TAFA1: variants seen among roughly 807,000 people sequenced by gnomAD.
TAFA1 encodes the protein chemokine-like protein TAFA-1.
TAFA1 carries 4 observed loss-of-function variants against 18.5 expected under a neutral mutation model. The observed-to-expected ratio is 0.22, with a 90% CI of 0.11 to 0.49. The LOEUF (loss-of-function observed/expected upper bound fraction) is 0.49, where lower values mean the gene tolerates loss of function less well. Among genes scored for constraint, TAFA1 ranks in the 20% least tolerant of loss-of-function variants. The pLI, the probability that TAFA1 is intolerant of heterozygous loss-of-function variation, is 0.98. For synonymous variants in TAFA1, 56 were observed against 55.2 expected (o/e 1.01, Z -0.06); for missense variants, 147 against 169.0 (o/e 0.87, Z 0.72).
chr3:68,342,051 A>C (rs1391457667), intron 2 of TAFA1, among the ~76,000 whole-genome samples: 1 of 152,196 alleles, frequency 6.6e-6, no homozygotes, highest in Non-Finnish European at 1.5e-5. Context: ...TTCCCCTTAA[A>C]GCTAGTTGAG....
intron 2 of TAFA1, among the ~76,000 whole-genome samples, chr3:68,332,687 C>G (rs2068903261): frequency 6.6e-6 from 1 of 152,188 alleles, no homozygotes; most frequent in South Asian, 2.1e-4. Context: ...CATCACTCAT[C>G]ATGGATATAA....
At chr3:68,116,253 G>T (rs1287840548) in intron 2 of TAFA1, among the ~76,000 whole-genome samples, 1 of 89,616 alleles carries the variant, frequency 1.1e-5, no homozygotes, top group Non-Finnish European at 2.3e-5. Context: ...AGATGCCGTC[G>T]CAAAAACAAA....
At chr3:68,275,502 C>CTTTT (rs199541727) in intron 2 of TAFA1, among the ~76,000 whole-genome samples, 1 of 141,168 alleles carries the variant, frequency 7.1e-6, no homozygotes, top group Non-Finnish European at 1.5e-5. Flanking sequence ...GATTAGGGGA[C>CTTTT]TTTTTTTTTT....
At chr3:68,383,410 G>A (rs1277412752) in intron 2 of TAFA1, among the ~76,000 whole-genome samples, 1 of 152,046 alleles carries the variant, frequency 6.6e-6, no homozygotes, top group East Asian at 1.9e-4. Flanking sequence ...GTTGAATTTT[G>A]TGAAAGCCTT....
chr3:68,460,606 T>C (rs553086616), intron 3 of TAFA1, among the ~76,000 whole-genome samples: 67 of 152,304 alleles, frequency 4.4e-4, no homozygotes, highest in Middle Eastern at 3.4e-3. Context: ...ATTCAGAGCA[T>C]CTCTCGCTCC....
chr3:68,351,188 G>C (rs1488999133), intron 2 of TAFA1, among the ~76,000 whole-genome samples: 1 of 152,090 alleles, frequency 6.6e-6, no homozygotes, highest in Non-Finnish European at 1.5e-5. Flanking sequence ...TGCCACCCAG[G>C]TAAGAACAGC....
At chr3:68,188,252 T>C (rs9812431) in intron 2 of TAFA1, among the ~76,000 whole-genome samples, 2,503 of 151,960 alleles carry the variant, frequency 0.016, 71 homozygotes, top group African/African-American at 0.057. Flanking sequence ...TGCGTAACTT[T>C]TTTGGACATT....
intron 2 of TAFA1, among the ~76,000 whole-genome samples, chr3:68,280,567 A>G (rs1166609005): frequency 6.6e-6 from 1 of 151,870 alleles, no homozygotes; most frequent in Non-Finnish European, 1.5e-5. Context: ...TTACAAAACA[A>G]CCCTACCTCC....
intron 2 of TAFA1, among the ~76,000 whole-genome samples, chr3:68,252,950 A>G (rs2067226021): frequency 6.6e-6 from 1 of 152,112 alleles, no homozygotes; most frequent in Non-Finnish European, 1.5e-5. Context: ...GATCCCCTGC[A>G]CAAACTCTCT....
intron 2 of TAFA1, among the ~76,000 whole-genome samples, chr3:68,193,072 G>GA (rs982220970): frequency 6.6e-6 from 1 of 151,540 alleles, no homozygotes; most frequent in African/African-American, 2.4e-5. Context: ...CTAAGACGAT[G>GA]AAAAAAATCA....
In TAFA1 at chr3:68,370,468, GTGTGTATA is replaced by G. The variant is rs1374671849; in HGVS notation, c.119-46810_119-46803del. Among the ~76,000 whole-genome samples, 162 of 16,556 alleles carry G rather than the reference GTGTGTATA, an allele frequency of 9.8e-3. 1 individual carries two copies. Among genetic ancestry groups the G allele is most frequent in the East Asian group, 0.025 (8 of 322 alleles). The allele number at this position is 16,556 out of a possible 152,430, so 10.9% of individuals were successfully genotyped here. A position where few individuals can be genotyped will look rare whatever the true frequency, so the allele number is the denominator to read the frequency against. ...TATGTATATATATGTGTGTGTGTGTGTGTGTATATATATATATATATATATATATATAT... is the reference window on the plus strand; with the variant it reads ...TATGTATATATATGTGTGTGTGTGTGTATATATATATATATATATATATAT... On this transcript the variant is annotated intron_variant, in intron 2 of 4. Transcript: ENST00000478136.
intron 2 of TAFA1, among the ~76,000 whole-genome samples, chr3:68,310,186 T>G (rs2068490619): frequency 6.6e-6 from 1 of 152,274 alleles, no homozygotes; most frequent in African/African-American, 2.4e-5. Flanking sequence ...GAAAACAAAT[T>G]ATGATACTTT....
chr3:68,301,271 A>T (rs61331057), intron 2 of TAFA1, among the ~76,000 whole-genome samples: 26,794 of 151,992 alleles, frequency 0.18, 3,449 homozygotes, highest in East Asian at 0.74. Context: ...CATCCTCCTT[A>T]TGTAAAAGTT....
At position 68,149,832 on chromosome 3, in the gene TAFA1, G is replaced by C. The variant is rs970368858; in HGVS notation, c.118+143088G>C. 4.9e-4 allele frequency among the ~76,000 whole-genome samples: 74 copies of C among 152,174 alleles called. 1 individual carries two copies. Among genetic ancestry groups the C allele is most frequent in the Admixed American group, 3.3e-4 (5 of 15,280 alleles). On this transcript the variant is annotated intron_variant, in intron 2 of 4. Transcript: ENST00000478136. ...GCAATGTCAAAAGAAGACCTAGCAC[G>C]TGTGTTTCTAAAGGTTGTGTGCAAA...
At chr3:68,421,332 T>C (rs876609) in intron 3 of TAFA1, among the ~76,000 whole-genome samples, 63,959 of 151,972 alleles carry the variant, frequency 0.42, 14,065 homozygotes, top group Non-Finnish European at 0.46. Context: ...ATTTATATTT[T>C]TGGTAACATT....
At chr3:68,034,500 G>A (rs1319048304) in intron 2 of TAFA1, among the ~76,000 whole-genome samples, 2 of 152,210 alleles carry the variant, frequency 1.3e-5, no homozygotes, top group African/African-American at 4.8e-5. Context: ...AGCCCAAGCA[G>A]TCTGATTTCA....
chr3:68,475,100 G>A (rs1461694588), intron 3 of TAFA1, among the ~76,000 whole-genome samples: 2 of 151,724 alleles, frequency 1.3e-5, no homozygotes, highest in African/African-American at 4.8e-5. Context: ...ACGATTCCTG[G>A]TCCCAATCTC....
chr3:68,508,468 A>G (rs530994793), intron 3 of TAFA1, among the ~76,000 whole-genome samples: 17 of 145,180 alleles, frequency 1.2e-4, no homozygotes, highest in African/African-American at 4.0e-4. Context: ...TAGCAACTCT[A>G]TGCTGTGGAT....
intron 2 of TAFA1, among the ~76,000 whole-genome samples, chr3:68,220,119 A>T: frequency 6.6e-6 from 1 of 152,204 alleles, no homozygotes; most frequent in Non-Finnish European, 1.5e-5. Context: ...TAGACCTTTG[A>T]AACAAAACAT....
Sources: gnomAD v4.1 joint callset for allele counts (sites outside exome capture counted in the v4.1 genomes callset) on GRCh38, gnomAD v4.1.1 for gene constraint, MANE v1.5 for transcripts, NCBI Gene and HGNC (gene_info 2026-07-23, HGNC 2026-07-21) for gene names.